PCED1B: variants seen among roughly 807,000 people sequenced by gnomAD.
PCED1B encodes the protein PC-esterase domain containing 1B.
For missense variants in PCED1B, 573 were observed against 573.9 expected, an observed-to-expected ratio of 1.00 and a Z score of 0.02; for synonymous variants, 251 against 246.1, an observed-to-expected ratio of 1.02 and a Z score of -0.19.
intron 2 of PCED1B, among the ~76,000 whole-genome samples, chr12:47,161,813 CAT>C (rs1329602740): frequency 6.6e-6 from 1 of 152,180 alleles, no homozygotes; most frequent in African/African-American, 2.4e-5. Context: ...CACATGCACA[CAT>C]ATGTTTATTG....
chr12:47,088,643 G>A lies in PCED1B; in HGVS notation c.-609+8918G>A, dbSNP rs78838477. 2.5e-3 allele frequency among the ~76,000 whole-genome samples: 381 copies of A among 152,252 alleles called. 8 individuals carry two copies. The East Asian group carries it at 0.048, about 19-fold the overall frequency. ...GAGCAGTTTTGACATGCTGCTACTT[G>A]CCTCTTGCATTGTGATAAAAATACG... On this transcript the variant is annotated intron_variant, in intron 1 of 3. Coordinates refer to ENST00000546455, the MANE Select transcript of PCED1B (RefSeq NM_138371.3).
chr12:47,103,079 C>A lies in PCED1B; in HGVS notation c.-608-1034C>A, dbSNP rs969970351. On this transcript the variant is annotated intron_variant, in intron 1 of 3. Transcript: ENST00000546455. ...GTGGAGTATCTAAATAGAAAATGTA[C>A]TGAAGCAAACCAAGAACAGAGTTTT... Among the ~76,000 whole-genome samples, 4 of 152,058 alleles carry A rather than the reference C, an allele frequency of 2.6e-5. No homozygotes were observed. In the Middle Eastern group the frequency reaches 0.01, roughly 391 times the overall value.
chr12:47,202,611 A>AG (rs1195926046), intron 2 of PCED1B, among the ~76,000 whole-genome samples: 78 of 150,184 alleles, frequency 5.2e-4, no homozygotes, highest in African/African-American at 1.8e-3. Flanking sequence ...AAAAAAAAAA[A>AG]AAAAAAAAGA....
chr12:47,220,742 G>C (rs1395684871), intron 3 of PCED1B, among the ~76,000 whole-genome samples: 1 of 152,166 alleles, frequency 6.6e-6, no homozygotes, highest in Non-Finnish European at 1.5e-5. Context: ...AGAACCAAAG[G>C]TTAAGTAGAG....
At chr12:47,201,147 G>T (rs1371774219) in intron 2 of PCED1B, among the ~76,000 whole-genome samples, 1 of 152,104 alleles carries the variant, frequency 6.6e-6, no homozygotes, top group Admixed American at 6.6e-5. Flanking sequence ...AAAGGGGAGG[G>T]GGGGAGTCTA....
intron 3 of PCED1B, among the ~76,000 whole-genome samples, chr12:47,232,358 C>T (rs1231609738): frequency 6.6e-6 from 1 of 152,152 alleles, no homozygotes. Flanking sequence ...TCAATATTTT[C>T]AACTGTTCTC....
intron 2 of PCED1B, among the ~76,000 whole-genome samples, chr12:47,125,316 A>T (rs1352160522): frequency 2.6e-5 from 4 of 151,952 alleles, no homozygotes; most frequent in Non-Finnish European, 5.9e-5. Flanking sequence ...AAATCAATTG[A>T]CCATATATGT....
chr12:47,154,937 G>T (rs955356620), intron 2 of PCED1B, among the ~76,000 whole-genome samples: 2 of 152,038 alleles, frequency 1.3e-5, no homozygotes, highest in African/African-American at 4.8e-5. Flanking sequence ...CTCAAACTAA[G>T]TATTTTTTGT....
intron 2 of PCED1B, among the ~76,000 whole-genome samples, chr12:47,120,148 A>T (rs138757082): frequency 4.7e-4 from 71 of 152,248 alleles, no homozygotes; most frequent in African/African-American, 1.6e-3. Flanking sequence ...ACCACTTCAC[A>T]CCCACTAAGA....
At chr12:47,227,274 C>T (rs552135609) in intron 3 of PCED1B, among the ~76,000 whole-genome samples, 5 of 152,166 alleles carry the variant, frequency 3.3e-5, no homozygotes, top group African/African-American at 7.2e-5. Flanking sequence ...CGGGTTCAAG[C>T]GATTCTCCCG....
intron 2 of PCED1B, among the ~76,000 whole-genome samples, chr12:47,162,895 T>C (rs756721612): frequency 1.6e-4 from 24 of 152,210 alleles, no homozygotes; most frequent in Admixed American, 9.8e-4. Context: ...TTTTGCAAGA[T>C]CGCTTTGGCT....
Position 47,195,877 on chromosome 12 carries a change from G to A in PCED1B, c.-525-20345G>A, listed in dbSNP as rs944536469. Among the ~76,000 whole-genome samples the A allele has an allele frequency of 9.9e-5, 15 of 152,058 alleles. No individual in the cohort carries two copies. In the South Asian group the frequency reaches 1.2e-3, roughly 13 times the overall value. On this transcript the variant is annotated intron_variant, in intron 2 of 3. Coordinates refer to ENST00000546455, the MANE Select transcript of PCED1B (RefSeq NM_138371.3). The stretch of plus-strand genomic sequence containing the variant: ...GTCAGAACTTAATGTTATAATATAC[G>A]GGCTATGGTTATGTTTTATTAACCA...
chr12:47,152,521 A>G (rs1002726957), intron 2 of PCED1B, among the ~76,000 whole-genome samples: 1 of 152,358 alleles, frequency 6.6e-6, no homozygotes, highest in Middle Eastern at 3.4e-3. Flanking sequence ...GGAGACATGA[A>G]AATTACACAC....
chr12:47,177,119 G>C (rs1941948715), intron 2 of PCED1B, among the ~76,000 whole-genome samples: 1 of 152,148 alleles, frequency 6.6e-6, no homozygotes. Flanking sequence ...GAGTAGCTTA[G>C]GCTGTGTTCA....
In PCED1B at chr12:47,193,202, T is replaced by C. The variant is rs183268431; in HGVS notation, c.-525-23020T>C. 1.4e-4 allele frequency among the ~76,000 whole-genome samples: 21 copies of C among 152,254 alleles called. 1 individual carries two copies. Among genetic ancestry groups the C allele is most frequent in the Middle Eastern group, 6.8e-3 (2 of 294 alleles). ...CTCATATGTACCAAAATATGAACTC[T>C]CAAATTTGTTGTATCCTCAGAGAGG... On this transcript the variant is annotated intron_variant, in intron 2 of 3. Coordinates refer to ENST00000546455, the MANE Select transcript of PCED1B (RefSeq NM_138371.3).
At chr12:47,105,857 G>A (rs1938925202) in intron 2 of PCED1B, among the ~76,000 whole-genome samples, 1 of 152,146 alleles carries the variant, frequency 6.6e-6, no homozygotes, top group Non-Finnish European at 1.5e-5. Flanking sequence ...AAGAGCACAG[G>A]CGAATTGACA....
intron 1 of PCED1B, among the ~76,000 whole-genome samples, chr12:47,103,089 C>G (rs926184852): frequency 6.6e-6 from 1 of 151,806 alleles, no homozygotes; most frequent in African/African-American, 2.4e-5. Flanking sequence ...CTGAAGCAAA[C>G]CAAGAACAGA....
At chr12:47,232,338 G>A (rs1943833007) in intron 3 of PCED1B, among the ~76,000 whole-genome samples, 1 of 152,076 alleles carries the variant, frequency 6.6e-6, no homozygotes, top group South Asian at 2.1e-4. Context: ...AATTCTTTGT[G>A]GGGAAGATGT....
rs749372856 is a variant in PCED1B at position 47,235,968 on chromosome 12, T to C, written c.905T>C (p.Leu302Pro). 1.2e-6 allele frequency: 2 copies of C among 1,602,074 alleles called. No individual in the cohort carries two copies. The highest frequency in any genetic ancestry group is 3.4e-5 in the Admixed American group (2 of 58,956). Reference protein sequence around the residue: ...PPLPSPTYRPLLGFPPQRLPL... With the variant: ...PPLPSPTYRPPLGFPPQRLPL... ...TTACCTTCCCCCACATACCGCCCCC[T>C]GCTTGGGTTCCCACCCCAGCGCTTG... The change falls in exon 4 of 4, where the codon CTG becomes CCG. Residue 302 changes from leucine to proline, a missense_variant. Coordinates refer to ENST00000546455, the MANE Select transcript of PCED1B (RefSeq NM_138371.3).
Sources: gnomAD v4.1 joint callset for allele counts (sites outside exome capture counted in the v4.1 genomes callset) on GRCh38, gnomAD v4.1.1 for gene constraint, MANE v1.5 for transcripts, NCBI Gene and HGNC (gene_info 2026-07-23, HGNC 2026-07-21) for gene names.